The following VGLL4 variants were observed in gnomAD, a reference collection of about 807,000 sequenced individuals.
VGLL4 encodes transcription cofactor vestigial-like protein 4.
Under a neutral mutation model 21.0 loss-of-function variants are expected in VGLL4, and 7 were observed. The observed-to-expected ratio is 0.33, with a 90% CI of 0.19 to 0.63. VGLL4 has a LOEUF of 0.63. VGLL4 is among the 20% of genes least tolerant of loss of function. The pLI is 0.78. For synonymous variants in VGLL4, 222 were observed against 173.2 expected (o/e 1.28, Z -2.21); for missense variants, 394 against 425.7 (o/e 0.93, Z 0.66).
intron 2 of VGLL4, among the ~76,000 whole-genome samples, chr3:11,574,781 ATATATG>A (rs1279670055): frequency 1.2e-4 from 14 of 120,948 alleles, no homozygotes; most frequent in African/African-American, 4.3e-4. Context: ...CAATTCAACT[ATATATG>A]TGTGTGTGTG....
At chr3:11,701,092 T>C (rs1000444251) in intron 2 of VGLL4, among the ~76,000 whole-genome samples, 1 of 152,052 alleles carries the variant, frequency 6.6e-6, no homozygotes, top group Non-Finnish European at 1.5e-5. Context: ...GTTTGGATAT[T>C]TGTCTCCTCC....
intron 2 of VGLL4, among the ~76,000 whole-genome samples, chr3:11,664,640 G>A (rs1476776563): frequency 1.3e-5 from 2 of 152,150 alleles, no homozygotes; most frequent in East Asian, 3.8e-4. Flanking sequence ...GCAGTAAGGG[G>A]TCACCCATGA....
At chr3:11,685,695 G>A (rs1396935262) in intron 2 of VGLL4, among the ~76,000 whole-genome samples, 1 of 152,118 alleles carries the variant, frequency 6.6e-6, no homozygotes, top group Non-Finnish European at 1.5e-5. Flanking sequence ...CATCTGATGA[G>A]AGTCTAGTAG....
At chr3:11,582,539 C>A in intron 2 of VGLL4, 2 of 588,210 alleles carry the variant, frequency 3.4e-6, no homozygotes, top group South Asian at 2.4e-5. Flanking sequence ...TAGAGGGTGC[C>A]TTGCCAAAAC....
chr3:11,563,489 C>T (rs933667132), intron 3 of VGLL4, among the ~76,000 whole-genome samples: 3 of 152,230 alleles, frequency 2.0e-5, no homozygotes, highest in Non-Finnish European at 4.4e-5. Context: ...CTTCTCATGT[C>T]CATTTCCCCA....
At chr3:11,650,820 T>G (rs559803860) in intron 2 of VGLL4, among the ~76,000 whole-genome samples, 2 of 152,222 alleles carry the variant, frequency 1.3e-5, no homozygotes, top group East Asian at 3.9e-4. Context: ...GTTTGACTAT[T>G]CCTTGAGCTA....
chr3:11,586,403 T>C (rs1437440196), intron 2 of VGLL4, among the ~76,000 whole-genome samples: 3 of 152,200 alleles, frequency 2.0e-5, no homozygotes, highest in Non-Finnish European at 2.9e-5. Flanking sequence ...GGCTGGAATA[T>C]GTAGAATGAT....
chr3:11,693,755 G>A lies in VGLL4; in HGVS notation c.64+9216C>T, dbSNP rs113194121. On this transcript the variant is annotated intron_variant, in intron 2 of 5. Coordinates refer to the VGLL4 transcript ENST00000273038. ...GATGAAGGACTGTCCCCGAGCACACGCTACCACACGTCCTGAACGTACGGC... is the reference window on the plus strand; with the variant it reads ...GATGAAGGACTGTCCCCGAGCACACACTACCACACGTCCTGAACGTACGGC... 5.2e-3 allele frequency among the ~76,000 whole-genome samples: 793 copies of A among 152,252 alleles called. 10 individuals are homozygous for A. The highest frequency in any genetic ancestry group is 0.018 in the African/African-American group (729 of 41,530).
intron 1 of VGLL4, among the ~76,000 whole-genome samples, chr3:11,615,041 T>C (rs901420602): frequency 1.3e-5 from 2 of 152,224 alleles, no homozygotes; most frequent in Admixed American, 6.5e-5. Context: ...GCTGTGATTT[T>C]TGAAAGTATT....
chr3:11,584,384 C>T (rs747131580), intron 2 of VGLL4, among the ~76,000 whole-genome samples: 5 of 151,962 alleles, frequency 3.3e-5, no homozygotes, highest in Non-Finnish European at 5.9e-5. Flanking sequence ...TGTTTCTCCC[C>T]GAGAAACTTG....
intron 1 of VGLL4, among the ~76,000 whole-genome samples, chr3:11,626,741 A>T (rs909406886): frequency 6.6e-6 from 1 of 152,170 alleles, no homozygotes; most frequent in African/African-American, 2.4e-5. Flanking sequence ...TGTGATATAA[A>T]TGGGTTTGCA....
intron 3 of VGLL4, among the ~76,000 whole-genome samples, chr3:11,560,445 G>A (rs1298037428): frequency 2.6e-5 from 4 of 152,208 alleles, no homozygotes; most frequent in Non-Finnish European, 5.9e-5. Flanking sequence ...AATGGTGACA[G>A]CAGTGTCAGC....
chr3:11,601,939 G>T lies in VGLL4; in HGVS notation c.166C>A (p.Pro56Thr). 1 of 1,613,370 alleles carries T rather than the reference G, an allele frequency of 6.2e-7. No individual in the cohort carries two copies. Among genetic ancestry groups the T allele is most frequent in the Non-Finnish European group, 8.5e-7 (1 of 1,179,704 alleles). ...ALSSHRTGPP[P>T]ISPSKRKFSM... ...AACTTCCTCTTGCTGGGGCTGATTG[G>T]GGGAGGGCCGGTGCGGTGACTGCTG... Residue 56 changes from proline (P) to threonine (T), a missense_variant, in exon 2 of 5, where the codon CCA becomes ACA. Transcript: ENST00000430365.
At chr3:11,588,015 G>C (rs1036058849) in intron 2 of VGLL4, among the ~76,000 whole-genome samples, 1 of 152,172 alleles carries the variant, frequency 6.6e-6, no homozygotes, top group African/African-American at 2.4e-5. Context: ...CTCTGTTCTG[G>C]CACATGTGGA....
In VGLL4 at chr3:11,606,678, C is replaced by A. The variant is rs571062893; in HGVS notation, c.83-4656G>T. ...TGCCAATCAACACTCTGTAAAAACA[C>A]ATCAATCAGCTCTCTGTGGGTAGCT... On this transcript the variant is annotated intron_variant, in intron 1 of 4. Coordinates refer to ENST00000430365, the MANE Select transcript of VGLL4 (RefSeq NM_001128219.3). 3.9e-5 allele frequency among the ~76,000 whole-genome samples: 6 copies of A among 152,248 alleles called. No homozygotes were observed. The South Asian group carries it at 1.2e-3, about 32-fold the overall frequency.
intron 1 of VGLL4, among the ~76,000 whole-genome samples, chr3:11,709,238 C>G (rs549642272): frequency 1.3e-5 from 2 of 151,600 alleles, no homozygotes; most frequent in Middle Eastern, 3.2e-3. Flanking sequence ...GAGTTCAAGA[C>G]GAGCCTGGCC....
chr3:11,607,660 C>T (rs1300552688), intron 1 of VGLL4, among the ~76,000 whole-genome samples: 1 of 152,126 alleles, frequency 6.6e-6, no homozygotes, highest in Admixed American at 6.5e-5. Context: ...TATAAGGCTC[C>T]AATATCATTA....
intron 2 of VGLL4, among the ~76,000 whole-genome samples, chr3:11,673,721 A>G (rs974732439): frequency 1.8e-4 from 28 of 152,144 alleles, no homozygotes; most frequent in African/African-American, 6.5e-4. Context: ...CAGCAGATAC[A>G]AAATCAGAAT....
At chr3:11,670,113 A>C (rs904941732) in intron 2 of VGLL4, among the ~76,000 whole-genome samples, 16 of 150,614 alleles carry the variant, frequency 1.1e-4, no homozygotes, top group Non-Finnish European at 2.1e-4. Context: ...GTCTGTTTCT[A>C]AAACAAAAAA....
Sources: allele counts gnomAD v4.1 joint callset (sites outside exome capture counted in the v4.1 genomes callset), GRCh38; gene constraint gnomAD v4.1.1; transcripts MANE v1.5; gene names NCBI Gene and HGNC (gene_info 2026-07-23, HGNC 2026-07-21).